ARFGEF3: variants seen among roughly 807,000 people sequenced by gnomAD.
ARFGEF3 encodes brefeldin A-inhibited guanine nucleotide-exchange protein 3.
A neutral mutation model predicts 221.7 loss-of-function variants in ARFGEF3; 96 were observed. The ratio of observed to expected loss-of-function variants is 0.43; its 90% confidence interval spans 0.37 to 0.51. The LOEUF is 0.51. ARFGEF3 is among the 20% of genes least tolerant of loss of function. ARFGEF3 has a pLI of 0.00. For missense variants in ARFGEF3, 2,410 were observed against 2,789.9 expected (o/e 0.86, Z 3.07); for synonymous variants, 1,145 against 1,126.8 (o/e 1.02, Z -0.32).
At chr6:138,242,926 T>TTG (rs756980794) in intron 6 of ARFGEF3, 26 bp from the exon 7 acceptor site, 2 of 1,591,784 alleles carry the variant, frequency 1.3e-6, no homozygotes, top group Non-Finnish European at 1.7e-6. Context: ...AATCTCCTAA[T>TTG]TGTGTGTGTG....
rs544689093 is a variant in ARFGEF3, at chr6:138,292,100, G to A, written c.3368+47G>A. Reference sequence around the variant, plus strand: ...CGCCCCGGGAGCCTGCTTACCAGGCGACACCCACATCCATCTGGTTTCAGT... The same window carrying A: ...CGCCCCGGGAGCCTGCTTACCAGGCAACACCCACATCCATCTGGTTTCAGT... On this transcript the variant is annotated intron_variant, in intron 19 of 33. Coordinates refer to ENST00000251691, the MANE Select transcript of ARFGEF3 (RefSeq NM_020340.5). 401 of 1,355,654 alleles carry A rather than the reference G, an allele frequency of 3.0e-4. No individual in the cohort carries two copies. The African/African-American group carries it at 5.7e-3, about 19-fold the overall frequency. The allele number at this position is 1,355,654 out of a possible 1,614,324, so 84.0% of individuals were successfully genotyped here. A position where few individuals can be genotyped will look rare whatever the true frequency, so the allele number is the denominator to read the frequency against.
rs886896847 is a variant in ARFGEF3, at chr6:138,339,382, TCA to T, written c.*2899_*2900del. 3 of 152,248 alleles carry T rather than the reference TCA, an allele frequency of 2.0e-5. No homozygotes were observed. Among genetic ancestry groups the T allele is most frequent in the East Asian group, 1.9e-4 (1 of 5,198 alleles). 9.4% of individuals were successfully genotyped at this position (152,248 alleles called of 1,614,324 possible). On this transcript the variant is annotated 3_prime_UTR_variant, in exon 34 of 34. Coordinates refer to ENST00000251691, the MANE Select transcript of ARFGEF3 (RefSeq NM_020340.5). ...CTGAAAGTGTCAGGTGTTTCTCTCC[TCA>T]CAGTCTCTTTTGCAGCAACAGTAAG...
chr6:138,328,910 T>C (rs1444876200), intron 32 of ARFGEF3, among the ~76,000 whole-genome samples: 1 of 152,124 alleles, frequency 6.6e-6, no homozygotes, highest in Non-Finnish European at 1.5e-5. Context: ...GGTGGGAGGA[T>C]CACTTGAGCC....
chr6:138,232,235 G>A (rs771848517), intron 5 of ARFGEF3, among the ~76,000 whole-genome samples: 27 of 152,178 alleles, frequency 1.8e-4, no homozygotes, highest in Non-Finnish European at 3.7e-4. Flanking sequence ...GGCTGGGCAC[G>A]GTGGCTCATG....
Position 138,322,254 on chromosome 6 carries a change from G to A in ARFGEF3, c.4766+1029G>A, listed in dbSNP as rs118032953. Among the ~76,000 whole-genome samples the A allele has an allele frequency of 5.5e-3, 839 of 152,214 alleles. 1 individual carries two copies. Among genetic ancestry groups the A allele is most frequent in the South Asian group, 9.1e-3 (44 of 4,818 alleles). ...CCCTGGACTGTACTTACATCTCCCC[G>A]TTCTCAGGCTTTCAGACTTGGACTG... On this transcript the variant is annotated intron_variant, in intron 29 of 33. Coordinates refer to ENST00000251691, the MANE Select transcript of ARFGEF3 (RefSeq NM_020340.5).
intron 20 of ARFGEF3, among the ~76,000 whole-genome samples, chr6:138,296,072 C>T (rs1322784813): frequency 6.6e-6 from 1 of 152,098 alleles, no homozygotes; most frequent in Non-Finnish European, 1.5e-5. Flanking sequence ...AAACCCCGCC[C>T]CCCATAGTTT....
In ARFGEF3 at chr6:138,339,181, G is replaced by T. The variant is rs1029296189; in HGVS notation, c.*2695G>T. 3 of 152,212 alleles carry T rather than the reference G, an allele frequency of 2.0e-5. No individual in the cohort carries two copies. The highest frequency in any genetic ancestry group is 7.2e-5 in the African/African-American group (3 of 41,456). 9.4% of individuals were successfully genotyped at this position (152,212 alleles called of 1,614,324 possible). On this transcript the variant is annotated 3_prime_UTR_variant, in exon 34 of 34. Coordinates refer to ENST00000251691, the MANE Select transcript of ARFGEF3 (RefSeq NM_020340.5). ...GGTATTTGCAGCTTGATGCAAAGTA[G>T]TCTCTAATGAGTAGGCATTCAGGTG...
intron 21 of ARFGEF3, among the ~76,000 whole-genome samples, chr6:138,297,406 A>G (rs537402290): frequency 6.6e-6 from 1 of 152,206 alleles, no homozygotes; most frequent in Non-Finnish European, 1.5e-5. Flanking sequence ...AACAAAATTA[A>G]TACTAAGACC....
intron 2 of ARFGEF3, among the ~76,000 whole-genome samples, chr6:138,190,867 T>C (rs1351899326): frequency 2.6e-5 from 4 of 152,194 alleles, no homozygotes; most frequent in Non-Finnish European, 4.4e-5. Context: ...GTTCTTTCTT[T>C]TTCCCCTTTA....
At chr6:138,278,312 T>C (rs1779134274) in intron 12 of ARFGEF3, 139 bp from the exon 13 acceptor site, 2 of 812,042 alleles carry the variant, frequency 2.5e-6, no homozygotes. Context: ...CCTAAGGATA[T>C]TCCTGGCTAG....
intron 1 of ARFGEF3, among the ~76,000 whole-genome samples, chr6:138,170,381 G>A (rs570918201): frequency 6.6e-6 from 1 of 152,232 alleles, no homozygotes; most frequent in African/African-American, 2.4e-5. Context: ...TAGATTCAGT[G>A]GTTCAGACTA....
intron 18 of ARFGEF3, among the ~76,000 whole-genome samples, chr6:138,290,414 A>G (rs1779381929): frequency 6.6e-6 from 1 of 152,218 alleles, no homozygotes; most frequent in Admixed American, 6.5e-5. Context: ...CCTACTTTTA[A>G]TTTAGCTAGA....
At chr6:138,213,225 T>C (rs1489287686) in intron 4 of ARFGEF3, among the ~76,000 whole-genome samples, 1 of 150,818 alleles carries the variant, frequency 6.6e-6, no homozygotes, top group East Asian at 2.0e-4. Context: ...GAGGCAGAGC[T>C]TATAGTGAGC....
intron 4 of ARFGEF3, among the ~76,000 whole-genome samples, chr6:138,222,111 A>G (rs1014563584): frequency 6.6e-6 from 1 of 152,200 alleles, no homozygotes; most frequent in Non-Finnish European, 1.5e-5. Flanking sequence ...TGGAAGTCCT[A>G]GATTCTAGCT....
chr6:138,307,329 C>T lies in ARFGEF3; in HGVS notation c.3905C>T (p.Ala1302Val), dbSNP rs759743211. ...IQSGWRPLFS[A>V]LETVHGGNKS... is the part of the protein sequence containing the mutation. Reference sequence around the variant, plus strand: ...TCGGGATGGAGACCCTTGTTCAGTGCCCTGGAAACAGTGCATGGCGGGAAC... The same window carrying T: ...TCGGGATGGAGACCCTTGTTCAGTGTCCTGGAAACAGTGCATGGCGGGAAC... The change falls in exon 23 of 34, where the codon GCC becomes GTC. Residue 1302 changes from alanine (A) to valine (V), a missense_variant. Ala to Val is a moderately conservative substitution (Grantham distance 64). Transcript: ENST00000251691. The T allele has an allele frequency of 6.2e-7, 1 of 1,613,932 alleles. No homozygotes were observed.
At chr6:138,219,959 G>GT (rs765563565) in intron 4 of ARFGEF3, among the ~76,000 whole-genome samples, 9 of 152,038 alleles carry the variant, frequency 5.9e-5, no homozygotes, top group Non-Finnish European at 1.2e-4. Flanking sequence ...TGTGTTTATA[G>GT]TTATATTCAT....
intron 8 of ARFGEF3, among the ~76,000 whole-genome samples, chr6:138,251,707 C>T (rs1778586628): frequency 6.6e-6 from 1 of 151,962 alleles, no homozygotes; most frequent in African/African-American, 2.4e-5. Flanking sequence ...GATATTTTGT[C>T]ACACCTTTTC....
intron 20 of ARFGEF3, among the ~76,000 whole-genome samples, chr6:138,296,085 C>T (rs778173081): frequency 1.2e-4 from 18 of 152,270 alleles, no homozygotes; most frequent in Admixed American, 2.6e-4. Context: ...CATAGTTTCT[C>T]ACCCTAGTTC....
At chr6:138,203,119 C>T (rs1313398092) in intron 2 of ARFGEF3, among the ~76,000 whole-genome samples, 2 of 152,022 alleles carry the variant, frequency 1.3e-5, no homozygotes, top group African/African-American at 4.8e-5. Flanking sequence ...ATGATAGGCA[C>T]CCTCCTCTAG....
Sources: allele counts gnomAD v4.1 joint callset (sites outside exome capture counted in the v4.1 genomes callset), GRCh38; gene constraint gnomAD v4.1.1; transcripts MANE v1.5; gene names NCBI Gene and HGNC (gene_info 2026-07-23, HGNC 2026-07-21).